SRPRB: variants seen among roughly 807,000 people sequenced by gnomAD.
SRPRB encodes SRP receptor subunit beta.
A neutral mutation model predicts 31.9 loss-of-function variants in SRPRB; 20 were observed. The ratio of observed to expected loss-of-function variants is 0.63; its 90% CI spans 0.44 to 0.91. SRPRB has a LOEUF of 0.91. SRPRB is among the 40% of genes least tolerant of loss of function. The pLI is 0.00. For missense variants in SRPRB, 321 were observed against 324.9 expected (o/e 0.99, Z 0.09); for synonymous variants, 146 against 132.8 (o/e 1.10, Z -0.68).
rs949681908 is a variant in SRPRB, at chr3:133,820,009, T to C, written c.*243T>C. The C allele has an allele frequency of 8.4e-6, 4 of 478,564 alleles. No homozygotes were observed. Among genetic ancestry groups the C allele is most frequent in the Non-Finnish European group, 1.5e-5 (4 of 263,316 alleles). 29.6% of individuals were successfully genotyped at this position (478,564 alleles called of 1,614,324 possible). A position where few individuals can be genotyped will look rare whatever the true frequency, so the allele number is the denominator to read the frequency against. On this transcript the variant is annotated 3_prime_UTR_variant, in exon 7 of 7. Transcript: ENST00000678299. ...ATCTGATGCCTGTATCTTCCCTTTG[T>C]TAAGGTGTAACTTGATGTAGGGTCA...
chr3:133,828,448 G>A, downstream of SRPRB: 1 of 394,952 alleles, frequency 2.5e-6, no homozygotes. Flanking sequence ...AAAACAAAAA[G>A]CACATCTTTC....
intron 2 of SRPRB, among the ~76,000 whole-genome samples, chr3:133,807,411 C>T (rs1368245730): frequency 2.0e-5 from 3 of 152,040 alleles, no homozygotes; most frequent in East Asian, 1.9e-4. Flanking sequence ...CAACACTACG[C>T]CCGGCTGATT....
chr3:133,818,430 G>A (rs1055717283), intron 6 of SRPRB, among the ~76,000 whole-genome samples: 3 of 152,098 alleles, frequency 2.0e-5, no homozygotes, highest in African/African-American at 7.2e-5. Context: ...AAATTGTAAA[G>A]GTTAACATCA....
chr3:133,827,830 G>T (rs961042670), downstream of SRPRB: 3 of 619,714 alleles, frequency 4.8e-6, no homozygotes, highest in Non-Finnish European at 9.1e-6. Flanking sequence ...AAGGCTTCAG[G>T]ATGGCACACT....
chr3:133,824,011 A>C (rs556584256), downstream of SRPRB, among the ~76,000 whole-genome samples: 19 of 152,286 alleles, frequency 1.2e-4, no homozygotes, highest in Admixed American at 8.5e-4. Context: ...GATTAGGGGA[A>C]TGCGTGTGGA....
At chr3:133,786,542 G>A (rs891843942) in intron 1 of SRPRB, 5 of 152,180 alleles carry the variant, frequency 3.3e-5, no homozygotes, top group Admixed American at 1.3e-4. Flanking sequence ...GTATATTGTG[G>A]ATCTAAAGGA....
intron 5 of SRPRB, 35 bp from the exon 6 acceptor site, chr3:133,816,843 G>C: frequency 6.4e-7 from 1 of 1,564,452 alleles, no homozygotes; most frequent in Non-Finnish European, 8.7e-7. Context: ...ACTCATTCTC[G>C]TTTAAACTAC....
chr3:133,797,297 C>A lies in SRPRB; in HGVS notation c.-173-8379C>A, dbSNP rs995821137. ...CAAAAGTAGAATTGTTAAAATCCCC[C>A]CTAAGCATTACAGATGTTTATACCT... is the stretch of plus-strand genomic sequence containing the variant. On this transcript the variant is annotated intron_variant, in intron 1 of 7. Transcript: ENST00000466490. Among the ~76,000 whole-genome samples, 4 of 152,260 alleles carry A rather than the reference C, an allele frequency of 2.6e-5. No homozygotes were observed. The East Asian group carries it at 7.7e-4, about 29-fold the overall frequency.
chr3:133,784,448 T>G (rs2084127501), intron 1 of SRPRB: 1 of 140,556 alleles, frequency 7.1e-6, no homozygotes, highest in South Asian at 2.3e-4. Context: ...ATCACACATC[T>G]TGTAAATTCC....
downstream of SRPRB, among the ~76,000 whole-genome samples, chr3:133,823,314 C>T (rs1935504549): frequency 2.0e-5 from 3 of 151,860 alleles, no homozygotes; most frequent in South Asian, 2.1e-4. Context: ...GCTGGAGTGG[C>T]AGTGGTGCCG....
intron 1 of SRPRB, chr3:133,790,662 AT>A (rs777306233): frequency 1.1e-4 from 16 of 152,244 alleles, no homozygotes; most frequent in Non-Finnish European, 2.9e-5. Flanking sequence ...CAGTTTGGCA[AT>A]TCCTTTTTAC....
At chr3:133,797,465 A>G (rs2107961222) in intron 1 of SRPRB, among the ~76,000 whole-genome samples, 1 of 152,362 alleles carries the variant, frequency 6.6e-6, no homozygotes, top group Non-Finnish European at 1.5e-5. Context: ...CTCAAGTCCT[A>G]TTTAAAACAC....
rs1935431915 is a variant in SRPRB, at chr3:133,819,612, C to T, written c.662C>T (p.Ala221Val). 1 of 1,614,224 alleles carries T rather than the reference C, an allele frequency of 6.2e-7. No homozygotes were observed. The highest frequency in any genetic ancestry group is 8.5e-7 in the Non-Finnish European group (1 of 1,180,036). The change falls in exon 7 of 7, where the codon GCC becomes GTC. Residue 221 changes from alanine to valine, a missense_variant. By Grantham distance (64) the Ala-to-Val change is moderately conservative. Coordinates refer to ENST00000678299, the MANE Select transcript of SRPRB (RefSeq NM_001379313.1). ...APSTLDSSSTAPAQLGKKGKE... is the reference protein window; with the variant it reads ...APSTLDSSSTVPAQLGKKGKE... ...AGCACACTGGACAGTTCCAGCACTG[C>T]CCCTGCTCAGCTGGGGAAGAAAGGC... is the stretch of plus-strand genomic sequence containing the variant.
chr3:133,826,129 G>A (rs911815580), downstream of SRPRB: 1 of 152,226 alleles, frequency 6.6e-6, no homozygotes, highest in Non-Finnish European at 1.5e-5. Flanking sequence ...GAAACCGCAC[G>A]TGCCGAAGGG....
At chr3:133,808,082 C>T (rs569540406) in intron 3 of SRPRB, among the ~76,000 whole-genome samples, 39 of 152,296 alleles carry the variant, frequency 2.6e-4, no homozygotes, top group African/African-American at 9.1e-4. Context: ...TCTGTGTCTT[C>T]TTTCCAACTT....
chr3:133,789,879 G>GTTTTTTT lies in SRPRB; in HGVS notation c.-174+5758_-174+5764dup, dbSNP rs56267966. 37 of 88,964 alleles carry GTTTTTTT rather than the reference G, an allele frequency of 4.2e-4. 4 individuals are homozygous for GTTTTTTT. Among genetic ancestry groups the GTTTTTTT allele is most frequent in the African/African-American group, 5.5e-4 (10 of 18,258 alleles). 5.5% of individuals were successfully genotyped at this position (88,964 alleles called of 1,614,324 possible). On this transcript the variant is annotated intron_variant, in intron 1 of 7. Transcript: ENST00000466490. ...GCCAAAACAAAACGATCTCGTTTGCGTTTTTTTTTTTTTTTTTTTTTTTTT... is the reference window on the plus strand; with the variant it reads ...GCCAAAACAAAACGATCTCGTTTGCGTTTTTTTTTTTTTTTTTTTTTTTTTTTTTTTT...
At chr3:133,828,227 T>C, downstream of SRPRB, 1 of 541,436 alleles carries the variant, frequency 1.8e-6, no homozygotes, top group Admixed American at 3.2e-5. Flanking sequence ...TTTCAGAGGC[T>C]GATGTGTTCA....
At position 133,820,289 on chromosome 3, in the gene SRPRB, A is replaced by G. The variant is rs1935449313; in HGVS notation, c.*523A>G. 2 of 158,282 alleles carry G rather than the reference A, an allele frequency of 1.3e-5. No homozygotes were observed. Among genetic ancestry groups the G allele is most frequent in the African/African-American group, 2.4e-5 (1 of 41,490 alleles). 9.8% of individuals were successfully genotyped at this position (158,282 alleles called of 1,614,324 possible). ...AGTTTCCCCACATGTGAAGACAGGT[A>G]CAAAATAGCAGAGCCAAGCAGACAG... On this transcript the variant is annotated 3_prime_UTR_variant, in exon 7 of 7. Coordinates refer to ENST00000678299, the MANE Select transcript of SRPRB (RefSeq NM_001379313.1).
At position 133,816,949 on chromosome 3, in the gene SRPRB, C is replaced by G. The variant is rs112624589; in HGVS notation, c.602+17C>G. The stretch of plus-strand genomic sequence containing the variant: ...GAAAGAACTGTAAGTGTGAAAGAGG[C>G]CTGTTGGTTAATTATATATCTTAAC... On this transcript the variant is annotated intron_variant, in intron 6 of 6. Transcript: ENST00000678299. 295 of 1,603,830 alleles carry G rather than the reference C, an allele frequency of 1.8e-4. 3 individuals are homozygous for G. In the African/African-American group the frequency reaches 3.5e-3, roughly 19 times the overall value.
Sources: gnomAD v4.1 joint callset for allele counts (sites outside exome capture counted in the v4.1 genomes callset) on GRCh38, gnomAD v4.1.1 for gene constraint, MANE v1.5 for transcripts, NCBI Gene and HGNC (gene_info 2026-07-23, HGNC 2026-07-21) for gene names.